BPIFB4: variants seen among roughly 807,000 people sequenced by gnomAD.
BPIFB4 encodes the protein BPI fold-containing family B member 4.
BPIFB4 carries 62 observed loss-of-function variants against 69.2 expected under a neutral mutation model. That is an observed-to-expected ratio of 0.90 (90% CI 0.73 to 1.11). The LOEUF (loss-of-function observed/expected upper bound fraction) is 1.11. Among genes scored for constraint, BPIFB4 ranks in the 50% least tolerant of loss-of-function variants. The probability of loss-of-function intolerance (pLI) is 0.00; values close to 1 mark genes in which losing one functional copy is unlikely to be tolerated. For missense variants in BPIFB4, 789 were observed against 792.0 expected (o/e 1.00, Z 0.04); for synonymous variants, 330 against 332.7 (o/e 0.99, Z 0.09).
At position 33,107,814 on chromosome 20, in the gene BPIFB4, G is replaced by C; in HGVS notation, c.1815G>C (p.Val605=). Residue 605 remains valine, a synonymous_variant, in exon 17 of 18, where the codon GTG becomes GTC. Transcript: ENST00000375483. ...NIDFSNADID[V]LEDLLVLSA is the part of the protein sequence containing the mutation. ...ACTTTAGCAATGCAGACATTGACGTGTTGGAGGTAAGAGGAGATCGAGCTC... is the reference window on the plus strand; with the variant it reads ...ACTTTAGCAATGCAGACATTGACGTCTTGGAGGTAAGAGGAGATCGAGCTC... 9 of 1,613,824 alleles carry C rather than the reference G, an allele frequency of 5.6e-6. No homozygotes were observed. The highest frequency in any genetic ancestry group is 7.6e-6 in the Non-Finnish European group (9 of 1,179,724).
At chr20:33,087,861 G>A (rs1223697077) in intron 7 of BPIFB4, among the ~76,000 whole-genome samples, 1 of 152,080 alleles carries the variant, frequency 6.6e-6, no homozygotes, top group Non-Finnish European at 1.5e-5. Context: ...AAGGGGGACC[G>A]AAATGCATAG....
In BPIFB4 at chr20:33,090,728, T is replaced by C. The variant is rs2070326; in HGVS notation, c.1072T>C (p.Leu358=). Residue 358 remains leucine (L), a synonymous_variant, in exon 10 of 18, where the codon TTG becomes CTG. Transcript: ENST00000375483. ...LVDSLIPLGI[L]GSVQYTFSSL... is the part of the protein sequence containing the mutation. ...TGCAGCTCTGATTCCTCTGGGGATA[T>C]TGGGAAGTGTCCAGTACACCTTCTC... is the stretch of plus-strand genomic sequence containing the variant. The C allele has an allele frequency of 0.22, 358,296 of 1,613,782 alleles. 41,490 individuals carry two copies. The highest frequency in any genetic ancestry group is 0.34 in the Admixed American group (20,684 of 59,998).
At chr20:33,108,693 C>T (rs1361449904) in intron 17 of BPIFB4, among the ~76,000 whole-genome samples, 1 of 152,122 alleles carries the variant, frequency 6.6e-6, no homozygotes, top group Non-Finnish European at 1.5e-5. Context: ...CATAGGGCTG[C>T]TTTTAGGAGA....
At chr20:33,101,567 C>A (rs1423071567) in intron 14 of BPIFB4, among the ~76,000 whole-genome samples, 4 of 151,782 alleles carry the variant, frequency 2.6e-5, no homozygotes, top group Non-Finnish European at 4.4e-5. Context: ...TTTTTCTTTT[C>A]TTTTGAGCCA....
In BPIFB4 at chr20:33,097,770, A is replaced by C; in HGVS notation, c.1552A>C (p.Ile518Leu). Reference protein sequence around the residue: ...VSQPKDLETTICLIDVDTEFL... With the variant: ...VSQPKDLETTLCLIDVDTEFL... The stretch of plus-strand genomic sequence containing the variant: ...CCAGCCCAAAGACCTGGAGACTACC[A>C]TCTGCCTCATTGACGTGGTGAGTGT... Residue 518 changes from isoleucine to leucine, a missense_variant, in exon 13 of 18, where the codon ATC becomes CTC. Transcript: ENST00000375483. 1 of 1,613,632 alleles carries C rather than the reference A, an allele frequency of 6.2e-7. No individual in the cohort carries two copies. The highest frequency in any genetic ancestry group is 8.5e-7 in the Non-Finnish European group (1 of 1,179,728).
chr20:33,111,302 A>T (rs1041494990), intron 17 of BPIFB4, 112 bp from the exon 18 acceptor site: 7 of 1,414,178 alleles, frequency 4.9e-6, no homozygotes, highest in Non-Finnish European at 4.0e-6. Flanking sequence ...TCCGCTGTTC[A>T]GAGTTACTGC....
chr20:33,099,024 T>C (rs1302254926), intron 13 of BPIFB4, among the ~76,000 whole-genome samples: 1 of 151,250 alleles, frequency 6.6e-6, no homozygotes. Flanking sequence ...TCTCACTCTG[T>C]GGTGAGACCC....
chr20:33,091,301 A>G (rs1462104603), intron 10 of BPIFB4, among the ~76,000 whole-genome samples: 1 of 152,210 alleles, frequency 6.6e-6, no homozygotes, highest in Non-Finnish European at 1.5e-5. Flanking sequence ...GCATTGGCCA[A>G]TATCCATGGT....
At chr20:33,085,086 T>G in intron 6 of BPIFB4, 90 bp downstream of exon 6, 1 of 1,512,434 alleles carries the variant, frequency 6.6e-7, no homozygotes. Flanking sequence ...CCTAAACTTC[T>G]GCCAGTGCAT....
Position 33,098,460 on chromosome 20 carries a change from C to G in BPIFB4, c.1569+673C>G, listed in dbSNP as rs562084161. 6.6e-5 allele frequency among the ~76,000 whole-genome samples: 10 copies of G among 152,152 alleles called. No homozygotes were observed. In the South Asian group the frequency reaches 1.9e-3, roughly 28 times the overall value. ...AAAGGAATCCTCTTAAAATGTGAAC[C>G]ATGGCCAGGCATGGTGGCTCACACT... is the stretch of plus-strand genomic sequence containing the variant. On this transcript the variant is annotated intron_variant, in intron 13 of 17. Coordinates refer to ENST00000375483, the MANE Select transcript of BPIFB4 (RefSeq NM_182519.3).
chr20:33,104,986 CACTT>C (rs751506256), intron 16 of BPIFB4, 113 bp downstream of exon 16: 110 of 1,095,832 alleles, frequency 1.0e-4, no homozygotes, highest in Non-Finnish European at 1.3e-4. Flanking sequence ...TATTTCTGAG[CACTT>C]CCTTTGAAGC....
chr20:33,102,741 G>A (rs563675116), intron 14 of BPIFB4, among the ~76,000 whole-genome samples: 1 of 152,224 alleles, frequency 6.6e-6, no homozygotes. Flanking sequence ...CTAGTAGGTG[G>A]CAAAGCTATG....
At chr20:33,102,666 A>T (rs2146414533) in intron 14 of BPIFB4, among the ~76,000 whole-genome samples, 1 of 152,296 alleles carries the variant, frequency 6.6e-6, no homozygotes, top group East Asian at 1.9e-4. Context: ...CCTAGCAGCC[A>T]CCCACTTTGC....
rs41290856 is a variant in BPIFB4, at chr20:33,103,022, C to A, written c.1680+8C>A. On this transcript the variant is annotated splice_region_variant and intron_variant, in intron 15 of 17. Transcript: ENST00000375483. ...AACGTGGGCAACTTTGATGTAAGTA[C>A]CATGTTTAGTTCCCAGGGCAAGATC... 2.0e-5 allele frequency: 33 copies of A among 1,613,296 alleles called. No homozygotes were observed. The highest frequency in any genetic ancestry group is 2.7e-5 in the Non-Finnish European group (32 of 1,179,410).
At chr20:33,103,313 G>T (rs1275067533) in intron 15 of BPIFB4, among the ~76,000 whole-genome samples, 1 of 151,822 alleles carries the variant, frequency 6.6e-6, no homozygotes, top group Admixed American at 6.5e-5. Flanking sequence ...TCCATTTCAG[G>T]GTGGGGAGGC....
At chr20:33,110,799 T>C (rs1305355060) in intron 17 of BPIFB4, among the ~76,000 whole-genome samples, 1 of 151,438 alleles carries the variant, frequency 6.6e-6, no homozygotes, top group Non-Finnish European at 1.5e-5. Flanking sequence ...ACTTTTATTA[T>C]TTATTTTGTT....
chr20:33,091,265 T>G (rs934524638), intron 10 of BPIFB4, among the ~76,000 whole-genome samples: 2 of 152,150 alleles, frequency 1.3e-5, no homozygotes, highest in Non-Finnish European at 2.9e-5. Flanking sequence ...CATCTCTCCA[T>G]GATTAAAAAA....
Position 33,082,930 on chromosome 20 carries a change from C to T in BPIFB4, c.107-8C>T. 2 of 1,612,562 alleles carry T rather than the reference C, an allele frequency of 1.2e-6. No homozygotes were observed. Among genetic ancestry groups the T allele is most frequent in the Non-Finnish European group, 1.7e-6 (2 of 1,178,788 alleles). ...GAACCCTGGACTGATGCCCTTGCCT[C>T]TCTGCAGCCATTTCAGGCATGCTGC... On this transcript the variant is annotated splice_polypyrimidine_tract_variant and splice_region_variant and intron_variant, in intron 3 of 17. Transcript: ENST00000375483.
Position 33,084,921 on chromosome 20 carries a change from G to T in BPIFB4, c.707G>T (p.Arg236Leu), listed in dbSNP as rs577589403. Residue 236 changes from arginine (R) to leucine (L), a missense_variant, in exon 6 of 18, where the codon CGG (arginine) becomes CTG (leucine). Physicochemically the swap from Arg to Leu is moderately radical, Grantham distance 102 (BLOSUM62 -2). Transcript: ENST00000375483. ...CGTATCGTGGAGCTGACCCTCCCTC[G>T]GGTGTCCGTGCGGCTCCTGCCCGGC... is the stretch of plus-strand genomic sequence containing the variant. ...GLRIVELTLP[R>L]VSVRLLPGVG... The T allele has an allele frequency of 6.2e-7, 1 of 1,610,340 alleles. No homozygotes were observed. Among genetic ancestry groups the T allele is most frequent in the South Asian group, 1.1e-5 (1 of 91,052 alleles).
Sources: gnomAD v4.1 joint callset for allele counts (sites outside exome capture counted in the v4.1 genomes callset) on GRCh38, gnomAD v4.1.1 for gene constraint, MANE v1.5 for transcripts, NCBI Gene and HGNC (gene_info 2026-07-23, HGNC 2026-07-21) for gene names.